ZFTRAF1: variants seen among roughly 807,000 people sequenced by gnomAD.
The protein encoded by ZFTRAF1 is zinc finger TRAF-type and ring finger containing 1.
chr8:144,461,832 T>C, the ZFTRAF1 span, among the ~76,000 whole-genome samples: 2 of 151,948 alleles, frequency 1.3e-5, no homozygotes, highest in Non-Finnish European at 2.9e-5. Flanking sequence ...CTCGGGGGTG[T>C]GGCTGCCGGA....
At chr8:144,452,179 C>T in the ZFTRAF1 span, 2 of 752,710 alleles carry the variant, frequency 2.7e-6, no homozygotes, top group Non-Finnish European at 2.3e-6. Flanking sequence ...CCTCCTTCCA[C>T]TCAGTCTCCG....
At chr8:144,452,295 C>T in the ZFTRAF1 span, 3 of 1,520,502 alleles carry the variant, frequency 2.0e-6, no homozygotes, top group Admixed American at 2.0e-5. Flanking sequence ...TGCCCCCAGA[C>T]TCCTGGCTGC....
chr8:144,450,853 G>C, the ZFTRAF1 span: 1 of 614,748 alleles, frequency 1.6e-6, no homozygotes, highest in Non-Finnish European at 3.0e-6. Flanking sequence ...ACCAGGCCGA[G>C]GGCAGGCTCA....
chr8:144,460,570 G>GCT, the ZFTRAF1 span, among the ~76,000 whole-genome samples: 1 of 152,222 alleles, frequency 6.6e-6, no homozygotes, highest in East Asian at 1.9e-4. Flanking sequence ...TGGCTTGTTG[G>GCT]AGTCTCCCTC....
the ZFTRAF1 span, among the ~76,000 whole-genome samples, chr8:144,460,848 C>T: frequency 6.6e-6 from 1 of 152,186 alleles, no homozygotes. Context: ...CGTGGCACTT[C>T]ACTCCAGCCT....
chr8:144,459,171 G>A, the ZFTRAF1 span, among the ~76,000 whole-genome samples: 13 of 152,228 alleles, frequency 8.5e-5, no homozygotes, highest in African/African-American at 2.7e-4. Context: ...CTTCCCAGAG[G>A]AGGTGCCCCA....
chr8:144,450,312 C>T, the ZFTRAF1 span: 9 of 671,912 alleles, frequency 1.3e-5, no homozygotes, highest in African/African-American at 1.6e-4. Flanking sequence ...CAGCTGCCAG[C>T]CAGGTGGACA....
chr8:144,461,590 C>A, the ZFTRAF1 span, among the ~76,000 whole-genome samples: 7 of 152,140 alleles, frequency 4.6e-5, no homozygotes, highest in Non-Finnish European at 8.8e-5. Context: ...GTGAGGTGGG[C>A]AGGAGCCTAG....
the ZFTRAF1 span, chr8:144,452,561 C>T: frequency 1.3e-5 from 20 of 1,536,664 alleles, 1 homozygote; most frequent in Middle Eastern, 1.7e-4. Context: ...TGTACTTGCA[C>T]TGGGTTACCC....
At chr8:144,458,638 G>A in the ZFTRAF1 span, among the ~76,000 whole-genome samples, 4 of 152,196 alleles carry the variant, frequency 2.6e-5, 1 homozygote, top group South Asian at 4.1e-4. Context: ...ATGTGGCATA[G>A]AGACATGGGC....
the ZFTRAF1 span, among the ~76,000 whole-genome samples, chr8:144,458,924 G>A: frequency 1.3e-5 from 2 of 152,242 alleles, no homozygotes; most frequent in Non-Finnish European, 1.5e-5. Context: ...ACTTACACCC[G>A]AGTGAGCCCG....
chr8:144,450,923 C>T, the ZFTRAF1 span, among the ~76,000 whole-genome samples: 8 of 152,142 alleles, frequency 5.3e-5, no homozygotes, highest in African/African-American at 1.2e-4. Context: ...GCAAGCCAAA[C>T]GCAACTATGG....
At chr8:144,450,139 C>A in the ZFTRAF1 span, 2 of 515,828 alleles carry the variant, frequency 3.9e-6, no homozygotes, top group South Asian at 2.2e-5. Context: ...ACCGTCTCCT[C>A]TTCGGGTCAG....
the ZFTRAF1 span, chr8:144,453,175 C>T: frequency 3.3e-6 from 5 of 1,510,396 alleles, no homozygotes; most frequent in African/African-American, 5.5e-5. Context: ...GGGCTCCCAG[C>T]AGTCCTGGGC....
At chr8:144,449,610 G>A in the ZFTRAF1 span, 1 of 152,284 alleles carries the variant, frequency 6.6e-6, no homozygotes, top group African/African-American at 2.4e-5. Context: ...AGCCTGCAAG[G>A]AGTTTAATCT....
At chr8:144,452,345 G>A in the ZFTRAF1 span, 8 of 1,547,170 alleles carry the variant, frequency 5.2e-6, no homozygotes, top group African/African-American at 1.4e-5. Context: ...GCAGCAGGCG[G>A]CGGGGCGCCT....
At chr8:144,451,909 T>C in the ZFTRAF1 span, 2 of 254,924 alleles carry the variant, frequency 7.8e-6, no homozygotes, top group African/African-American at 2.2e-5. Flanking sequence ...GAGAGGCCCA[T>C]GGCCGGGGCA....
chr8:144,452,390 G>T, the ZFTRAF1 span: 3 of 1,550,016 alleles, frequency 1.9e-6, no homozygotes, highest in Non-Finnish European at 2.6e-6. Context: ...AGCTGAGCAG[G>T]CTGAAGATGC....
At chr8:144,455,300 G>A in the ZFTRAF1 span, 4 of 152,228 alleles carry the variant, frequency 2.6e-5, no homozygotes, top group Admixed American at 6.5e-5. Context: ...GGGAGACAGA[G>A]TGAGACTCTA....
Sources: allele counts gnomAD v4.1 joint callset (sites outside exome capture counted in the v4.1 genomes callset), GRCh38; gene constraint gnomAD v4.1.1; transcripts MANE v1.5; gene names NCBI Gene and HGNC (gene_info 2026-07-23, HGNC 2026-07-21).